Variants in DLGAP1 observed in about 807,000 individuals in gnomAD.
The protein encoded by DLGAP1 is DLG associated protein 1.
DLGAP1 carries 11 observed loss-of-function variants against 90.8 expected under a neutral mutation model. That is an observed-to-expected ratio of 0.12 (90% CI 0.08 to 0.20). The LOEUF (loss-of-function observed/expected upper bound fraction) is 0.20. Among genes scored for constraint, DLGAP1 ranks in the 10% least tolerant of loss-of-function variants. The pLI, the probability that DLGAP1 is intolerant of heterozygous loss-of-function variation, is 1.00. For synonymous variants in DLGAP1, 558 were observed against 540.7 expected (o/e 1.03, Z -0.44); for missense variants, 1,050 against 1,333.8 (o/e 0.79, Z 3.31).
At chr18:3,594,448 C>T (rs2056463955) in intron 7 of DLGAP1, 1 of 149,368 alleles carries the variant, frequency 6.7e-6, no homozygotes, top group South Asian at 2.2e-4. Flanking sequence ...CCTGGAACAT[C>T]ACATCTGTAC....
At chr18:4,369,812 T>C (rs1337043493) in intron 1 of DLGAP1, among the ~76,000 whole-genome samples, 1 of 84,750 alleles carries the variant, frequency 1.2e-5, no homozygotes, top group Non-Finnish European at 2.1e-5. Context: ...GAGAAAGTCT[T>C]AGTAAAAAAA....
intron 3 of DLGAP1, among the ~76,000 whole-genome samples, chr18:3,944,883 T>C (rs1289089640): frequency 6.6e-6 from 1 of 152,186 alleles, no homozygotes; most frequent in Admixed American, 6.5e-5. Flanking sequence ...AACCTAGCCA[T>C]GGTATCCTTG....
intron 7 of DLGAP1, among the ~76,000 whole-genome samples, chr18:3,715,647 T>C (rs1203825726): frequency 6.6e-6 from 1 of 152,202 alleles, no homozygotes; most frequent in Non-Finnish European, 1.5e-5. Context: ...TTTACACTAT[T>C]ATATTAGGTC....
chr18:3,659,703 C>T (rs1435715711), intron 7 of DLGAP1, among the ~76,000 whole-genome samples: 6 of 152,010 alleles, frequency 3.9e-5, no homozygotes, highest in Non-Finnish European at 7.4e-5. Flanking sequence ...GTAGCTGGGA[C>T]TACAGGCACG....
In DLGAP1 at chr18:3,501,233, A is replaced by T. The variant is rs937871297; in HGVS notation, c.2724+1260T>A. 5.4e-3 allele frequency among the ~76,000 whole-genome samples: 32 copies of T among 5,908 alleles called. No individual in the cohort carries two copies. The South Asian group carries it at 0.067, about 12-fold the overall frequency. 3.9% of individuals were successfully genotyped at this position (5,908 alleles called of 152,430 possible). A position where few individuals can be genotyped will look rare whatever the true frequency, so the allele number is the denominator to read the frequency against. On this transcript the variant is annotated intron_variant, in intron 12 of 12. Transcript: ENST00000315677. ...ATGCCCAGCCAACAATGATTATTTA[A>T]AAAAAAAAAAAAAAAATTAGATGCA...
At chr18:3,947,146 C>A (rs555963534) in intron 3 of DLGAP1, among the ~76,000 whole-genome samples, 2 of 152,294 alleles carry the variant, frequency 1.3e-5, no homozygotes, top group African/African-American at 4.8e-5. Context: ...TTCCAGCCTA[C>A]ACACATTGGG....
At chr18:3,817,084 A>G (rs943929623) in intron 4 of DLGAP1, among the ~76,000 whole-genome samples, 2 of 147,782 alleles carry the variant, frequency 1.4e-5, no homozygotes, top group African/African-American at 5.1e-5. Flanking sequence ...TTATAGGTTT[A>G]GCAATTACAT....
At chr18:3,592,874 GAAAGAAAGAAAAAGAA>G (rs2056344466) in intron 7 of DLGAP1, among the ~76,000 whole-genome samples, 2 of 49,610 alleles carry the variant, frequency 4.0e-5, no homozygotes, top group Non-Finnish European at 8.0e-5. Flanking sequence ...AAAAGAAAAA[GAAAGAAAGAAAAAGAA>G]AAAGAAAAAG....
intron 2 of DLGAP1, among the ~76,000 whole-genome samples, chr18:4,097,491 T>C (rs1256933122): frequency 6.6e-6 from 1 of 152,230 alleles, no homozygotes; most frequent in Non-Finnish European, 1.5e-5. Flanking sequence ...AATGTGGATG[T>C]AGTCATCCTC....
intron 1 of DLGAP1, among the ~76,000 whole-genome samples, chr18:4,386,722 C>A (rs2082237323): frequency 6.6e-6 from 1 of 152,142 alleles, no homozygotes; most frequent in Admixed American, 6.5e-5. Flanking sequence ...GGCAGCAACT[C>A]TTTTAGAGAC....
At chr18:4,322,512 T>G (rs1461504503) in intron 1 of DLGAP1, among the ~76,000 whole-genome samples, 1 of 152,112 alleles carries the variant, frequency 6.6e-6, no homozygotes, top group African/African-American at 2.4e-5. Context: ...GATTAAATAC[T>G]TAAACGTAAG....
intron 3 of DLGAP1, among the ~76,000 whole-genome samples, chr18:3,985,521 CT>C (rs35320019): frequency 0.01 from 1,517 of 145,646 alleles, 15 homozygotes; most frequent in African/African-American, 0.02. Context: ...CTTCGACTTA[CT>C]TTTTTTTTTT....
At chr18:3,793,128 T>C (rs1213312699) in intron 5 of DLGAP1, among the ~76,000 whole-genome samples, 5 of 152,164 alleles carry the variant, frequency 3.3e-5, no homozygotes, top group African/African-American at 4.8e-5. Context: ...AGCAGATGAA[T>C]TGCTTGCCCT....
intron 3 of DLGAP1, chr18:3,983,316 T>C (rs1194087328): frequency 2.0e-5 from 3 of 152,174 alleles, no homozygotes; most frequent in Admixed American, 2.0e-4. Flanking sequence ...AACAGTGCTA[T>C]AAGGACAAAT....
intron 1 of DLGAP1, among the ~76,000 whole-genome samples, chr18:4,246,106 T>C (rs768989910): frequency 3.9e-5 from 6 of 152,170 alleles, no homozygotes; most frequent in Non-Finnish European, 7.3e-5. Context: ...TTAAAGTATG[T>C]GTGTGTATCT....
At chr18:3,692,939 T>C (rs767005824) in intron 7 of DLGAP1, among the ~76,000 whole-genome samples, 28 of 152,208 alleles carry the variant, frequency 1.8e-4, no homozygotes, top group Admixed American at 1.0e-3. Context: ...CTCATGCCGA[T>C]GAAAGCCACG....
chr18:4,247,086 G>A (rs1464189044), intron 1 of DLGAP1, among the ~76,000 whole-genome samples: 1 of 152,094 alleles, frequency 6.6e-6, no homozygotes, highest in African/African-American at 2.4e-5. Context: ...ACAAGGAGGA[G>A]AAGGAAGGGA....
chr18:3,672,254 G>C (rs2060115784), intron 7 of DLGAP1, among the ~76,000 whole-genome samples: 1 of 148,776 alleles, frequency 6.7e-6, no homozygotes, highest in East Asian at 2.0e-4. Context: ...GCAAGAATTT[G>C]CTCTTTGGCT....
At chr18:4,345,613 A>T (rs2081288556) in intron 1 of DLGAP1, among the ~76,000 whole-genome samples, 1 of 152,210 alleles carries the variant, frequency 6.6e-6, no homozygotes, top group Non-Finnish European at 1.5e-5. Context: ...CAAAAATAAG[A>T]ATGCTTGTCA....
Sources: gnomAD v4.1 joint callset for allele counts (sites outside exome capture counted in the v4.1 genomes callset) on GRCh38, gnomAD v4.1.1 for gene constraint, MANE v1.5 for transcripts, NCBI Gene and HGNC (gene_info 2026-07-23, HGNC 2026-07-21) for gene names.